DNAJC12: variants seen among roughly 807,000 people sequenced by gnomAD.
DNAJC12 encodes the protein DnaJ heat shock protein family (Hsp40) member C12.
In DNAJC12, 25 loss-of-function variants were observed where a neutral mutation model predicts 28.5. The observed-to-expected ratio is 0.88, with a 90% CI of 0.64 to 1.22. The LOEUF (loss-of-function observed/expected upper bound fraction) is 1.22, where lower values mean the gene tolerates loss of function less well. Among genes scored for constraint, DNAJC12 ranks in the 50% most tolerant of loss-of-function variants. The pLI, the probability that DNAJC12 is intolerant of heterozygous loss-of-function variation, is 0.00. For missense variants in DNAJC12, 222 were observed against 231.7 expected, an observed-to-expected ratio of 0.96 and a Z score of 0.27; for synonymous variants, 77 against 80.6, an observed-to-expected ratio of 0.95 and a Z score of 0.24.
chr10:67,808,744 G>T (rs1166298318), intron 3 of DNAJC12: 1 of 151,964 alleles, frequency 6.6e-6, no homozygotes, highest in Non-Finnish European at 1.5e-5. Context: ...AAAATTGACT[G>T]GTTATTATTA....
At chr10:67,802,947 C>A (rs77523564) in intron 4 of DNAJC12, among the ~76,000 whole-genome samples, 170 of 151,336 alleles carry the variant, frequency 1.1e-3, no homozygotes, top group East Asian at 5.1e-3. Context: ...ACATCCCCCC[C>A]CACACACACA....
At chr10:67,817,211 G>T (rs948576834) in intron 2 of DNAJC12, among the ~76,000 whole-genome samples, 1 of 152,214 alleles carries the variant, frequency 6.6e-6, no homozygotes, top group East Asian at 1.9e-4. Context: ...CCACATGCAG[G>T]ACTCCTCATT....
chr10:67,806,885 T>A (rs1263525370), intron 3 of DNAJC12, among the ~76,000 whole-genome samples: 1 of 151,914 alleles, frequency 6.6e-6, no homozygotes, highest in Non-Finnish European at 1.5e-5. Context: ...ACTGTAGTTA[T>A]GCCTGTGTAA....
Position 67,805,626 on chromosome 10 carries a change from C to CTTGGGTTCTTTCTGCTCCG in DNAJC12, c.440_458dup (p.Lys153AsnfsTer51). On this transcript the variant is annotated frameshift_variant, in exon 4 of 5. Coordinates refer to ENST00000225171, the MANE Select transcript of DNAJC12 (RefSeq NM_021800.3). LOFTEE classifies it high-confidence loss of function. ...GCGGGGAGACTGACTTCTCTAGGGG[C>CTTGGGTTCTTTCTGCTCCG]TTGGGTTCTTTCTGCTCCGTTTTCT... 6.2e-7 allele frequency: 1 copy of CTTGGGTTCTTTCTGCTCCG among 1,613,364 alleles called. No homozygotes were observed. The highest frequency in any genetic ancestry group is 1.1e-5 in the South Asian group (1 of 90,964).
chr10:67,821,397 T>G (rs1325814476), intron 2 of DNAJC12, among the ~76,000 whole-genome samples: 1 of 151,960 alleles, frequency 6.6e-6, no homozygotes, highest in Non-Finnish European at 1.5e-5. Context: ...ATGCCTATAA[T>G]CCCAGCTACT....
chr10:67,797,868 G>A lies in DNAJC12; in HGVS notation c.503-658C>T, dbSNP rs372526913. On this transcript the variant is annotated intron_variant, in intron 4 of 4. Transcript: ENST00000225171. ...ATCCTGGCTAACACGGTGAAACCCC[G>A]TCTCTACTAAAAATACAAAAAATTA... is the stretch of plus-strand genomic sequence containing the variant. Among the ~76,000 whole-genome samples, 222 of 151,790 alleles carry A rather than the reference G, an allele frequency of 1.5e-3. 1 individual carries two copies. The highest frequency in any genetic ancestry group is 6.8e-3 in the Middle Eastern group (2 of 294).
intron 4 of DNAJC12, among the ~76,000 whole-genome samples, chr10:67,802,838 C>CGTGTGT (rs71006167): frequency 1.3e-3 from 191 of 143,130 alleles, no homozygotes; most frequent in African/African-American, 4.3e-3. Context: ...AGTTATTGTG[C>CGTGTGT]GTGTGTGTGT....
rs56055620 is a variant in DNAJC12 at position 67,799,878 on chromosome 10, C to CAA, written c.503-2670_503-2669dup. On this transcript the variant is annotated intron_variant, in intron 4 of 4. Transcript: ENST00000225171. ...AGCCTGGGCGACAGAGCGAGACTGT[C>CAA]AAAAAAAAAAAAATGTAGTTTCTAG... Among the ~76,000 whole-genome samples, 15 of 128,350 alleles carry CAA rather than the reference C, an allele frequency of 1.2e-4. 1 individual carries two copies. Among genetic ancestry groups the CAA allele is most frequent in the Admixed American group, 3.2e-4 (4 of 12,516 alleles). The allele number at this position is 128,350 out of a possible 152,430, so 84.2% of individuals were successfully genotyped here. A position where few individuals can be genotyped will look rare whatever the true frequency, so the allele number is the denominator to read the frequency against.
At chr10:67,826,090 G>A (rs1253677807) in intron 1 of DNAJC12, among the ~76,000 whole-genome samples, 4 of 151,288 alleles carry the variant, frequency 2.6e-5, no homozygotes, top group Non-Finnish European at 5.9e-5. Flanking sequence ...CTCATCCAAG[G>A]AATATACCCA....
intron 1 of DNAJC12, among the ~76,000 whole-genome samples, chr10:67,828,374 A>G (rs1406253656): frequency 2.0e-5 from 3 of 152,124 alleles, no homozygotes; most frequent in African/African-American, 7.2e-5. Context: ...TCCTTAGTCA[A>G]TTCTCATAAG....
At chr10:67,811,486 G>A (rs377463927) in intron 3 of DNAJC12, 38 bp downstream of exon 3, 14 of 1,612,920 alleles carry the variant, frequency 8.7e-6, no homozygotes, top group African/African-American at 1.3e-5. Context: ...GGCATCCTGA[G>A]CTTCACAAAT....
intron 1 of DNAJC12, among the ~76,000 whole-genome samples, chr10:67,837,578 C>G (rs1284111007): frequency 6.6e-6 from 1 of 152,012 alleles, no homozygotes; most frequent in Non-Finnish European, 1.5e-5. Context: ...TTATGAGTCA[C>G]CATAATAAAG....
intron 2 of DNAJC12, 128 bp from the exon 3 acceptor site, chr10:67,811,791 C>T (rs1317346095): frequency 1.7e-5 from 25 of 1,455,436 alleles, no homozygotes; most frequent in Non-Finnish European, 2.3e-5. Flanking sequence ...GGCCAATTTA[C>T]CTCATTAAGC....
intron 2 of DNAJC12, among the ~76,000 whole-genome samples, chr10:67,813,615 G>A (rs187435055): frequency 0.022 from 3,353 of 150,062 alleles, 126 homozygotes; most frequent in African/African-American, 0.078. Flanking sequence ...AAAATTAGTT[G>A]GGTGTGGTGG....
Position 67,820,405 on chromosome 10 carries a change from A to G in DNAJC12, c.157+2909T>C, listed in dbSNP as rs1250046664. On this transcript the variant is annotated intron_variant, in intron 2 of 4. Coordinates refer to ENST00000225171, the MANE Select transcript of DNAJC12 (RefSeq NM_021800.3). ...GTGTGATTCTATTTATATGAAATCCAAAACTGCAAAACTAGTCAATGGTGA... is the reference window on the plus strand; with the variant it reads ...GTGTGATTCTATTTATATGAAATCCGAAACTGCAAAACTAGTCAATGGTGA... 3.3e-5 allele frequency among the ~76,000 whole-genome samples: 5 copies of G among 152,224 alleles called. No individual in the cohort carries two copies. The East Asian group carries it at 9.6e-4, about 29-fold the overall frequency.
At chr10:67,821,011 G>A (rs1205853013) in intron 2 of DNAJC12, among the ~76,000 whole-genome samples, 1 of 151,406 alleles carries the variant, frequency 6.6e-6, no homozygotes, top group South Asian at 2.1e-4. Context: ...TCGAACTCCC[G>A]ACCTCAGGTG....
In DNAJC12 at chr10:67,838,180, G is replaced by A. The variant is rs2131820507; in HGVS notation, c.-169C>T. 4.0e-6 allele frequency: 2 copies of A among 500,390 alleles called. No individual in the cohort carries two copies. The highest frequency in any genetic ancestry group is 6.8e-5 in the South Asian group (2 of 29,542). The allele number at this position is 500,390 out of a possible 1,614,324, so 31.0% of individuals were successfully genotyped here. A position where few individuals can be genotyped will look rare whatever the true frequency, so the allele number is the denominator to read the frequency against. ...ACACCAGATGTCATCCTAGACCTTT[G>A]TAAACTCTGCCTCTCATTGGCTGTT... On this transcript the variant is annotated 5_prime_UTR_variant, in exon 1 of 5. Coordinates refer to ENST00000225171, the MANE Select transcript of DNAJC12 (RefSeq NM_021800.3).
intron 2 of DNAJC12, among the ~76,000 whole-genome samples, chr10:67,822,585 C>T (rs1458229405): frequency 6.6e-6 from 1 of 151,984 alleles, no homozygotes; most frequent in Non-Finnish European, 1.5e-5. Flanking sequence ...TCATATTTTT[C>T]CCAAGCTTGG....
intron 1 of DNAJC12, among the ~76,000 whole-genome samples, chr10:67,828,269 G>T (rs925850743): frequency 1.3e-5 from 2 of 152,136 alleles, no homozygotes; most frequent in Non-Finnish European, 1.5e-5. Context: ...ATATATGTTT[G>T]TATGTGTGTG....
Sources: allele counts gnomAD v4.1 joint callset (sites outside exome capture counted in the v4.1 genomes callset), GRCh38; gene constraint gnomAD v4.1.1; transcripts MANE v1.5; gene names NCBI Gene and HGNC (gene_info 2026-07-23, HGNC 2026-07-21).